GRAMD1B: variants seen among roughly 807,000 people sequenced by gnomAD.
The protein encoded by GRAMD1B is GRAM domain containing 1B.
A neutral mutation model predicts 99.7 loss-of-function variants in GRAMD1B; 37 were observed. The ratio of observed to expected loss-of-function variants is 0.37; its 90% CI spans 0.29 to 0.49. GRAMD1B has a LOEUF of 0.49. GRAMD1B is among the 20% of genes least tolerant of loss of function. The pLI, the probability that GRAMD1B is intolerant of heterozygous loss-of-function variation, is 0.98. For synonymous variants in GRAMD1B, 427 were observed against 387.6 expected (o/e 1.10, Z -1.19); for missense variants, 888 against 1,009.2 (o/e 0.88, Z 1.63).
chr11:123,368,853 G>A (rs1205711273), intron 1 of GRAMD1B, among the ~76,000 whole-genome samples: 1 of 151,972 alleles, frequency 6.6e-6, no homozygotes, highest in African/African-American at 2.4e-5. Flanking sequence ...TAAGAAGATG[G>A]GATAGGAGCA....
intron 1 of GRAMD1B, among the ~76,000 whole-genome samples, chr11:123,476,580 A>G (rs1227207254): frequency 6.6e-6 from 1 of 152,142 alleles, no homozygotes; most frequent in African/African-American, 2.4e-5. Flanking sequence ...TGTTCCCTGG[A>G]GCTTTCCAAC....
At chr11:123,470,990 G>A (rs1950989980) in intron 1 of GRAMD1B, among the ~76,000 whole-genome samples, 1 of 152,178 alleles carries the variant, frequency 6.6e-6, no homozygotes, top group Admixed American at 6.5e-5. Context: ...CTAAGGAACT[G>A]CATTTTTAAT....
At chr11:123,435,368 G>GT in intron 1 of GRAMD1B, 1 of 693,730 alleles carries the variant, frequency 1.4e-6, no homozygotes, top group Non-Finnish European at 2.6e-6. Context: ...TTTAATTTTT[G>GT]TTTTTTCATT....
At chr11:123,427,268 C>CT (rs751666789), upstream of GRAMD1B, among the ~76,000 whole-genome samples, 2 of 152,178 alleles carry the variant, frequency 1.3e-5, no homozygotes, top group Non-Finnish European at 2.9e-5. Flanking sequence ...GGCCTCTAAA[C>CT]TGGCTTCAGA....
intron 7 of GRAMD1B, chr11:123,599,211 A>G: frequency 1.3e-6 from 1 of 763,738 alleles, no homozygotes; most frequent in Non-Finnish European, 2.4e-6. Flanking sequence ...GAAATCAGAA[A>G]ATTCCTTGGG....
At chr11:123,573,939 C>T (rs1022055863) in intron 2 of GRAMD1B, among the ~76,000 whole-genome samples, 2 of 152,062 alleles carry the variant, frequency 1.3e-5, no homozygotes, top group African/African-American at 2.4e-5. Context: ...GTGCAGAGGG[C>T]TGAGCCTCCA....
chr11:123,477,216 T>C (rs868487009), intron 1 of GRAMD1B, among the ~76,000 whole-genome samples: 10 of 57,308 alleles, frequency 1.7e-4, no homozygotes, highest in African/African-American at 3.0e-4. Context: ...CCCTCCCCCC[T>C]CCCCCTCCTC....
At chr11:123,462,052 C>T (rs1950447626) in intron 1 of GRAMD1B, among the ~76,000 whole-genome samples, 1 of 149,358 alleles carries the variant, frequency 6.7e-6, no homozygotes, top group South Asian at 2.1e-4. Flanking sequence ...CTGCAAGGTC[C>T]ACCTCCTGGG....
intron 17 of GRAMD1B, among the ~76,000 whole-genome samples, chr11:123,617,480 T>C (rs1467246656): frequency 6.6e-6 from 1 of 152,182 alleles, no homozygotes; most frequent in Non-Finnish European, 1.5e-5. Context: ...TGAGCCACCA[T>C]GCCCAGCCTA....
intron 2 of GRAMD1B, among the ~76,000 whole-genome samples, chr11:123,482,991 G>C (rs573850005): frequency 6.6e-6 from 1 of 151,992 alleles, no homozygotes; most frequent in Non-Finnish European, 1.5e-5. Flanking sequence ...AGGAGGTGGA[G>C]GTTGCAGTGA....
chr11:123,570,712 C>T (rs1050168552), intron 2 of GRAMD1B, among the ~76,000 whole-genome samples: 12 of 152,164 alleles, frequency 7.9e-5, no homozygotes, highest in East Asian at 5.8e-4. Flanking sequence ...GTGTGAGCCA[C>T]GGCACCCAGC....
rs182623083 is a variant in GRAMD1B, at chr11:123,420,111, A to G, written c.-175-60705A>G. On this transcript the variant is annotated intron_variant, in intron 1 of 20. Transcript: ENST00000638157. ...AGAATCTTAAGACCATGGAAAGGCT[A>G]CTTTTAAAGGTCTTTTATTGTTTAC... is the stretch of plus-strand genomic sequence containing the variant. Among the ~76,000 whole-genome samples, 27 of 152,350 alleles carry G rather than the reference A, an allele frequency of 1.8e-4. No individual in the cohort carries two copies. The East Asian group carries it at 3.7e-3, about 21-fold the overall frequency.
Position 123,510,504 on chromosome 11 carries a change from C to T in GRAMD1B, c.452+29611C>T, listed in dbSNP as rs112815675. On this transcript the variant is annotated intron_variant, in intron 2 of 19. Transcript: ENST00000635736. This position sits in a 1 kb window ranked among gnomAD's most constrained non-coding sequence, Gnocchi z 4.3. ...GCTGTGGACCTCCAGACTCTGACCT[C>T]TTACCCAGAAACTGAGGAAGTCCCA... Among the ~76,000 whole-genome samples the T allele has an allele frequency of 4.3e-4, 66 of 152,328 alleles. No individual in the cohort carries two copies. The highest frequency in any genetic ancestry group is 1.4e-3 in the African/African-American group (59 of 41,568).
chr11:123,419,985 C>A (rs1173332164), intron 1 of GRAMD1B, among the ~76,000 whole-genome samples: 1 of 152,064 alleles, frequency 6.6e-6, no homozygotes, highest in Admixed American at 6.6e-5. Context: ...ATCATGTGAA[C>A]AAGCCTTCAA....
chr11:123,577,432 C>T lies in GRAMD1B; in HGVS notation c.518C>T (p.Ser173Leu). ...CSPILRKRSRSPTPQNQDGDT... is the reference protein window; with the variant it reads ...CSPILRKRSRLPTPQNQDGDT... ...CCCATCCTCCGGAAGCGGTCTCGCTCGCCAACCCCGCAGAACCAGGACGGA... is the reference window on the plus strand; with the variant it reads ...CCCATCCTCCGGAAGCGGTCTCGCTTGCCAACCCCGCAGAACCAGGACGGA... Residue 173 changes from serine (S) to leucine (L), a missense_variant, in exon 3 of 20, where the codon TCG becomes TTG. Coordinates refer to ENST00000635736, the MANE Select transcript of GRAMD1B (RefSeq NM_001387025.1). The T allele has an allele frequency of 6.2e-7, 1 of 1,601,564 alleles. No individual in the cohort carries two copies. The highest frequency in any genetic ancestry group is 1.1e-5 in the South Asian group (1 of 88,478).
intron 17 of GRAMD1B, among the ~76,000 whole-genome samples, chr11:123,617,303 C>T (rs982107090): frequency 6.6e-6 from 1 of 152,022 alleles, no homozygotes; most frequent in African/African-American, 2.4e-5. Context: ...CCTGCCTCAG[C>T]TTCCCTAGTA....
chr11:123,399,179 G>A (rs566812663), intron 1 of GRAMD1B, among the ~76,000 whole-genome samples: 15 of 152,166 alleles, frequency 9.9e-5, no homozygotes, highest in African/African-American at 2.6e-4. Context: ...GTGAGATCAC[G>A]CATTATTTGT....
At chr11:123,579,276 G>C (rs1325101808) in intron 3 of GRAMD1B, among the ~76,000 whole-genome samples, 3 of 152,222 alleles carry the variant, frequency 2.0e-5, no homozygotes, top group Non-Finnish European at 4.4e-5. Flanking sequence ...CCCGAAGAAG[G>C]GGAAGCCGAG....
At chr11:123,410,927 G>T (rs1453073146) in intron 1 of GRAMD1B, among the ~76,000 whole-genome samples, 1 of 151,958 alleles carries the variant, frequency 6.6e-6, no homozygotes, top group Non-Finnish European at 1.5e-5. Flanking sequence ...TTGAGAAAAT[G>T]GATGAAACCC....
Sources: gnomAD v4.1 joint callset for allele counts (sites outside exome capture counted in the v4.1 genomes callset) on GRCh38, gnomAD v4.1.1 for gene constraint, Gnocchi (gnomAD v3.1) non-coding constraint, MANE v1.5 for transcripts, NCBI Gene and HGNC (gene_info 2026-07-23, HGNC 2026-07-21) for gene names.